The following LARP4B variants were observed in gnomAD, a reference collection of about 807,000 sequenced individuals.
LARP4B encodes the protein la-related protein 4B.
In LARP4B, 12 loss-of-function variants were observed where a neutral mutation model predicts 89.8. The observed-to-expected ratio is 0.13, with a 90% CI of 0.09 to 0.22. The LOEUF (loss-of-function observed/expected upper bound fraction) is 0.22. Ranked by LOEUF, LARP4B falls within the 10% of genes least tolerant of loss-of-function variation. The pLI, the probability that LARP4B is intolerant of heterozygous loss-of-function variation, is 1.00. For missense variants in LARP4B, 757 were observed against 947.7 expected, an observed-to-expected ratio of 0.80 and a Z score of 2.64; for synonymous variants, 367 against 363.3, an observed-to-expected ratio of 1.01 and a Z score of -0.12.
At chr10:873,764 T>C (rs929959983) in intron 3 of LARP4B, among the ~76,000 whole-genome samples, 1 of 152,320 alleles carries the variant, frequency 6.6e-6, no homozygotes, top group African/African-American at 2.4e-5. Flanking sequence ...TTACTAATTG[T>C]GTCAGGTGTG....
chr10:824,954 T>G, intron 13 of LARP4B, 111 bp downstream of exon 13: 1 of 1,119,112 alleles, frequency 8.9e-7, no homozygotes, highest in Non-Finnish European at 1.2e-6. Context: ...TTTATAGCCT[T>G]CAGTTAGATT....
intron 5 of LARP4B, among the ~76,000 whole-genome samples, chr10:851,060 GAAGA>G (rs1834021245): frequency 6.6e-6 from 1 of 150,900 alleles, no homozygotes; most frequent in Non-Finnish European, 1.5e-5. Context: ...TTAGGACACA[GAAGA>G]AAGGGTAAAT....
At chr10:863,400 AT>A (rs1279380085) in intron 5 of LARP4B, among the ~76,000 whole-genome samples, 35 of 147,240 alleles carry the variant, frequency 2.4e-4, no homozygotes, top group African/African-American at 2.7e-4. Context: ...TTTTTTTTGT[AT>A]TTTTTTTTTA....
In LARP4B at chr10:874,369, G is replaced by A. The variant is rs140077191; in HGVS notation, c.141+10078C>T. 3.3e-3 allele frequency among the ~76,000 whole-genome samples: 498 copies of A among 152,276 alleles called. 2 individuals are homozygous for A. The highest frequency in any genetic ancestry group is 0.011 in the African/African-American group (453 of 41,558). On this transcript the variant is annotated intron_variant, in intron 3 of 17. Transcript: ENST00000316157. ...TCTGAGCACTCCAATTAAGAAAAAG[G>A]AAGGAACAAGAAAAAAAAGGGAAAA...
intron 1 of LARP4B, among the ~76,000 whole-genome samples, chr10:899,713 G>C (rs945508491): frequency 6.6e-6 from 1 of 152,166 alleles, no homozygotes; most frequent in African/African-American, 2.4e-5. Flanking sequence ...GAGATGGACA[G>C]CACAAGATGC....
chr10:813,056 G>T lies in LARP4B; in HGVS notation c.2087C>A (p.Pro696His). ...TCCAGGTGTGGACTTGAGGGCTGGG[G>T]GCTCCCGGTATCTCTCTGCGGGCTC... ...LAEPAERYRE[P>H]PALKSTPGAP... The change falls in exon 18 of 18, where the codon CCC (proline) becomes CAC (histidine). Residue 696 changes from proline to histidine, a missense_variant. Pro to His is a moderately conservative substitution (Grantham distance 77). Transcript: ENST00000316157. 6.2e-7 allele frequency: 1 copy of T among 1,613,948 alleles called. No homozygotes were observed. Among genetic ancestry groups the T allele is most frequent in the Non-Finnish European group, 8.5e-7 (1 of 1,180,014 alleles).
intron 5 of LARP4B, among the ~76,000 whole-genome samples, chr10:853,781 A>G (rs1432226877): frequency 6.6e-6 from 1 of 152,212 alleles, no homozygotes; most frequent in African/African-American, 2.4e-5. Context: ...TGCCTTGATG[A>G]TGAGGGCTGA....
At chr10:897,177 G>A (rs925222463) in intron 1 of LARP4B, among the ~76,000 whole-genome samples, 1 of 152,032 alleles carries the variant, frequency 6.6e-6, no homozygotes, top group Non-Finnish European at 1.5e-5. Context: ...GCATAGACCA[G>A]ACAAACAGAT....
At chr10:870,412 G>T (rs1352302088) in intron 3 of LARP4B, among the ~76,000 whole-genome samples, 1 of 152,166 alleles carries the variant, frequency 6.6e-6, no homozygotes, top group Non-Finnish European at 1.5e-5. Flanking sequence ...TGCTGTCCAC[G>T]GGGACAGCGG....
the LARP4B span, among the ~76,000 whole-genome samples, chr10:938,178 C>T: frequency 6.6e-6 from 1 of 151,844 alleles, no homozygotes; most frequent in Admixed American, 6.6e-5. Flanking sequence ...GCCACTACGG[C>T]CAGTTTGGGA....
At position 812,570 on chromosome 10, in the gene LARP4B, T is replaced by G. The variant is rs1416935317; in HGVS notation, c.*356A>C. On this transcript the variant is annotated 3_prime_UTR_variant, in exon 18 of 18. Transcript: ENST00000316157. ...AAAAAAAAAAAAAAGCAGAGTTCCC[T>G]TAATTTAGAAAAACTCACTATATAT... The G allele has an allele frequency of 1.8e-5, 3 of 164,068 alleles. No individual in the cohort carries two copies. The highest frequency in any genetic ancestry group is 3.9e-5 in the Non-Finnish European group (3 of 76,922). The allele number at this position is 164,068 out of a possible 1,614,324, so 10.2% of individuals were successfully genotyped here.
intron 3 of LARP4B, among the ~76,000 whole-genome samples, chr10:870,681 T>A (rs989435371): frequency 6.6e-6 from 1 of 152,232 alleles, no homozygotes; most frequent in Non-Finnish European, 1.5e-5. Context: ...CTGGGGTCAA[T>A]ACTATCTTTC....
At chr10:925,579 G>T (rs993714953) in intron 1 of LARP4B, among the ~76,000 whole-genome samples, 74 of 152,192 alleles carry the variant, frequency 4.9e-4, no homozygotes, top group Middle Eastern at 3.4e-3. Context: ...TGTCGCCCAG[G>T]CTGGAGTGCA....
At chr10:877,207 C>A (rs1252333774) in intron 3 of LARP4B, among the ~76,000 whole-genome samples, 1 of 152,144 alleles carries the variant, frequency 6.6e-6, no homozygotes, top group Non-Finnish European at 1.5e-5. Context: ...AGCAAGACCC[C>A]ATCTCTACAA....
At chr10:907,084 A>G (rs1836512947) in intron 1 of LARP4B, among the ~76,000 whole-genome samples, 1 of 152,122 alleles carries the variant, frequency 6.6e-6, no homozygotes, top group Non-Finnish European at 1.5e-5. Context: ...TATTCTATGT[A>G]CTCCTGCAAA....
the LARP4B span, among the ~76,000 whole-genome samples, chr10:974,134 C>A: frequency 6.6e-6 from 1 of 152,112 alleles, no homozygotes; most frequent in East Asian, 1.9e-4. Flanking sequence ...ACCTTTTGTG[C>A]GAGGTCTGGG....
At chr10:968,919 T>C in the LARP4B span, among the ~76,000 whole-genome samples, 2 of 152,240 alleles carry the variant, frequency 1.3e-5, no homozygotes, top group Non-Finnish European at 2.9e-5. Flanking sequence ...AAAGCTGTTA[T>C]GATCTTATGC....
intron 14 of LARP4B, 196 bp downstream of exon 14, chr10:820,604 G>A (rs967412262): frequency 5.6e-5 from 32 of 576,422 alleles, no homozygotes; most frequent in Non-Finnish European, 8.6e-5. Context: ...GCAGCACATC[G>A]CTATTTCCAA....
chr10:937,916 G>C, the LARP4B span, among the ~76,000 whole-genome samples: 1 of 151,950 alleles, frequency 6.6e-6, no homozygotes, highest in Admixed American at 6.6e-5. Context: ...ACGGAGTCTT[G>C]CTCTGTCTCC....
Sources: allele counts gnomAD v4.1 joint callset (sites outside exome capture counted in the v4.1 genomes callset), GRCh38; gene constraint gnomAD v4.1.1; transcripts MANE v1.5; gene names NCBI Gene and HGNC (gene_info 2026-07-23, HGNC 2026-07-21).